The following CHORDC1 variants were observed in gnomAD, a reference collection of about 807,000 sequenced individuals.
CHORDC1 encodes the protein cysteine and histidine-rich domain-containing protein 1.
Under a neutral mutation model 48.3 loss-of-function variants are expected in CHORDC1, and 25 were observed. That is an observed-to-expected ratio of 0.52 (90% CI 0.38 to 0.72). CHORDC1 has a LOEUF of 0.72. CHORDC1 is among the 30% of genes least tolerant of loss of function. The pLI, the probability that CHORDC1 is intolerant of heterozygous loss-of-function variation, is 0.00. For missense variants in CHORDC1, 317 were observed against 388.7 expected, an observed-to-expected ratio of 0.82 and a Z score of 1.55; for synonymous variants, 128 against 126.4, an observed-to-expected ratio of 1.01 and a Z score of -0.09.
rs376523538 is a variant in CHORDC1 at position 90,202,542 on chromosome 11, C to T, written c.862G>A (p.Val288Ile). 6.2e-7 allele frequency: 1 copy of T among 1,613,210 alleles called. No individual in the cohort carries two copies. The highest frequency in any genetic ancestry group is 1.1e-5 in the South Asian group (1 of 91,000). Residue 288 changes from valine (V) to isoleucine (I), a missense_variant, in exon 11 of 11, where the codon GTA (valine) becomes ATA (isoleucine). Physicochemically the swap from Val to Ile is conservative, Grantham distance 29. Transcript: ENST00000320585. ...GTCATAGTTACATAACTTCGCTTTA[C>T]ATCAATCACCTGTAACATATCAAAG... is the stretch of plus-strand genomic sequence containing the variant. ...QNVKLWGVID[V>I]KRSYVTMTAT...
At chr11:90,222,525 G>A (rs1369281809) in intron 1 of CHORDC1, 3 of 460,322 alleles carry the variant, frequency 6.5e-6, no homozygotes, top group Non-Finnish European at 1.2e-5. Context: ...AAGCTCACCA[G>A]TACCTCGTTA....
intron 10 of CHORDC1, 31 bp downstream of exon 10, chr11:90,202,782 A>T: frequency 1.9e-6 from 3 of 1,564,562 alleles, no homozygotes; most frequent in Non-Finnish European, 2.6e-6. Context: ...AGTTATCAGA[A>T]AAAAAATTCT....
Position 90,202,826 on chromosome 11 carries a change from A to G in CHORDC1, c.839T>C (p.Val280Ala). The change falls in exon 10 of 11, where the codon GTG becomes GCG. Residue 280 changes from valine to alanine, a missense_variant. Transcript: ENST00000320585. ...FEGEKEFDQN[V>A]KLWGVIDVKR... is the part of the protein sequence containing the mutation. ...TGTAATACTTACACCCCATAATTTC[A>G]CATTTTGATCAAATTCCTTCTCTCC... 1 of 1,600,876 alleles carries G rather than the reference A, an allele frequency of 6.2e-7. No individual in the cohort carries two copies. Among genetic ancestry groups the G allele is most frequent in the Non-Finnish European group, 8.5e-7 (1 of 1,174,718 alleles).
At chr11:90,216,377 T>C (rs1858012728) in intron 2 of CHORDC1, 1 of 238,700 alleles carries the variant, frequency 4.2e-6, no homozygotes, top group Middle Eastern at 1.5e-3. Context: ...GTTGTCTTTT[T>C]TCAGCAAGAT....
chr11:90,211,415 T>G, intron 4 of CHORDC1, 97 bp from the exon 5 acceptor site: 1 of 755,436 alleles, frequency 1.3e-6, no homozygotes. Context: ...AGAAGCCAAA[T>G]GCTTTGTGTA....
intron 4 of CHORDC1, 185 bp downstream of exon 4, chr11:90,213,833 T>C: frequency 1.8e-6 from 1 of 554,098 alleles, no homozygotes; most frequent in South Asian, 2.7e-5. Flanking sequence ...TTATATTGTG[T>C]ACATGCTCTC....
At position 90,221,644 on chromosome 11, in the gene CHORDC1, C is replaced by A. The variant is rs560005792; in HGVS notation, c.64+1247G>T. ...TGCCAACACCAAAGGGCTTTAAAATCGTTTCTCGATTTTGTCATCGACTGA... is the reference window on the plus strand; with the variant it reads ...TGCCAACACCAAAGGGCTTTAAAATAGTTTCTCGATTTTGTCATCGACTGA... On this transcript the variant is annotated intron_variant, in intron 1 of 10. Transcript: ENST00000320585. Among the ~76,000 whole-genome samples the A allele has an allele frequency of 3.3e-5, 5 of 152,288 alleles. No individual in the cohort carries two copies. The South Asian group carries it at 1.0e-3, about 32-fold the overall frequency.
At chr11:90,220,921 G>A (rs904585454) in intron 1 of CHORDC1, among the ~76,000 whole-genome samples, 1 of 152,002 alleles carries the variant, frequency 6.6e-6, no homozygotes, top group African/African-American at 2.4e-5. Context: ...TCTAGAATAA[G>A]TGTTTAACAT....
At chr11:90,204,881 A>T (rs1055288410) in intron 8 of CHORDC1, among the ~76,000 whole-genome samples, 3 of 152,096 alleles carry the variant, frequency 2.0e-5, no homozygotes, top group African/African-American at 7.2e-5. Context: ...GGTTTTGGGA[A>T]ATTATTTGCA....
Position 90,208,487 on chromosome 11 carries a change from T to C in CHORDC1, c.492+2049A>G, listed in dbSNP as rs546228407. ...ACAATTTTTTAAAATTAAAGGACAA[T>C]ATAAAGTAGAAATTAGTTGTGGCAC... is the stretch of plus-strand genomic sequence containing the variant. On this transcript the variant is annotated intron_variant, in intron 6 of 10. Coordinates refer to ENST00000320585, the MANE Select transcript of CHORDC1 (RefSeq NM_012124.3). 5.3e-5 allele frequency: 8 copies of C among 152,188 alleles called. No homozygotes were observed. The South Asian group carries it at 1.7e-3, about 32-fold the overall frequency. 9.4% of individuals were successfully genotyped at this position (152,188 alleles called of 1,614,324 possible).
intron 1 of CHORDC1, among the ~76,000 whole-genome samples, chr11:90,218,568 C>T (rs753432311): frequency 6.6e-6 from 1 of 152,180 alleles, no homozygotes; most frequent in African/African-American, 2.4e-5. Flanking sequence ...TGCATTCATC[C>T]ATAAAGGTTT....
At chr11:90,206,093 G>C (rs1857673810) in intron 7 of CHORDC1, 109 bp downstream of exon 7, 1 of 734,842 alleles carries the variant, frequency 1.4e-6, no homozygotes, top group Non-Finnish European at 2.5e-6. Flanking sequence ...TAATGGCAAT[G>C]TAAGTAAAAT....
intron 3 of CHORDC1, among the ~76,000 whole-genome samples, 188 bp downstream of exon 3, chr11:90,214,986 G>A (rs1018697876): frequency 1.3e-5 from 2 of 151,918 alleles, no homozygotes; most frequent in African/African-American, 4.8e-5. Context: ...ACCTTAAAAC[G>A]TTAATTTCCA....
At chr11:90,211,346 T>C (rs1402019214) in intron 4 of CHORDC1, 28 bp from the exon 5 acceptor site, 3 of 1,351,702 alleles carry the variant, frequency 2.2e-6, no homozygotes, top group Admixed American at 3.5e-5. Context: ...CTTATTACCA[T>C]TATTAATATA....
chr11:90,222,221 G>A (rs6483036), intron 1 of CHORDC1, among the ~76,000 whole-genome samples: 1 of 152,022 alleles, frequency 6.6e-6, no homozygotes, highest in Non-Finnish European at 1.5e-5. Context: ...CATTTTATAC[G>A]GGAGTAGGCA....
chr11:90,222,756 G>T, intron 1 of CHORDC1, 135 bp downstream of exon 1: 1 of 822,424 alleles, frequency 1.2e-6, no homozygotes. Context: ...GGCAGCCAAG[G>T]GAGGCCCAGG....
chr11:90,207,785 A>AAAAAAAAAAC, intron 6 of CHORDC1: 1 of 150,504 alleles, frequency 6.6e-6, no homozygotes, highest in Non-Finnish European at 1.5e-5. Flanking sequence ...AAAACAAAAA[A>AAAAAAAAAAC]AACTCGTATA....
Position 90,205,838 on chromosome 11 carries a change from G to A in CHORDC1, c.564-273C>T, listed in dbSNP as rs188506718. 5.0e-4 allele frequency: 227 copies of A among 453,432 alleles called. 3 individuals carry two copies. In the East Asian group the frequency reaches 9.3e-3, roughly 19 times the overall value. The allele number at this position is 453,432 out of a possible 1,614,324, so 28.1% of individuals were successfully genotyped here. ...TGCAGGATGCGGAAAAGTATGGGTC[G>A]TCTTGGGATAATGTTGTCTTAGTGC... On this transcript the variant is annotated intron_variant, in intron 7 of 10. Transcript: ENST00000320585.
At chr11:90,220,304 A>T (rs1257284249) in intron 1 of CHORDC1, among the ~76,000 whole-genome samples, 1 of 152,186 alleles carries the variant, frequency 6.6e-6, no homozygotes, top group Non-Finnish European at 1.5e-5. Context: ...GATACTAGCT[A>T]ATGTAGAAAG....
Sources: gnomAD v4.1 joint callset for allele counts (sites outside exome capture counted in the v4.1 genomes callset) on GRCh38, gnomAD v4.1.1 for gene constraint, MANE v1.5 for transcripts, NCBI Gene and HGNC (gene_info 2026-07-23, HGNC 2026-07-21) for gene names.